Variants in L3MBTL1 observed in about 807,000 individuals in gnomAD.
The protein encoded by L3MBTL1 is L3MBTL histone methyl-lysine binding protein 1, also known as lethal(3)malignant brain tumor-like protein 1.
Under a neutral mutation model 105.3 loss-of-function variants are expected in L3MBTL1, and 75 were observed. The ratio of observed to expected loss-of-function variants is 0.71; its 90% CI spans 0.59 to 0.86. The LOEUF (loss-of-function observed/expected upper bound fraction) is 0.86, where lower values mean the gene tolerates loss of function less well. Ranked by LOEUF, L3MBTL1 falls within the 40% of genes least tolerant of loss-of-function variation. The pLI is 0.00. For synonymous variants in L3MBTL1, 452 were observed against 436.2 expected (o/e 1.04, Z -0.45); for missense variants, 1,069 against 1,126.4 (o/e 0.95, Z 0.73).
rs556698636 is a variant in L3MBTL1, at chr20:43,539,262, A to G, written c.2174-889A>G. ...TTAGCACCAGGAGAATAAAGAGCCAATGCTCCTGGACCATGGACAGAGGCT... is the reference window on the plus strand; with the variant it reads ...TTAGCACCAGGAGAATAAAGAGCCAGTGCTCCTGGACCATGGACAGAGGCT... On this transcript the variant is annotated intron_variant, in intron 19 of 21. Coordinates refer to ENST00000418998, the MANE Select transcript of L3MBTL1 (RefSeq NM_001377303.1). The G allele has an allele frequency of 2.6e-5, 4 of 152,564 alleles. No individual in the cohort carries two copies. The East Asian group carries it at 7.7e-4, about 29-fold the overall frequency. 9.5% of individuals were successfully genotyped at this position (152,564 alleles called of 1,614,324 possible).
downstream of L3MBTL1, among the ~76,000 whole-genome samples, chr20:43,545,276 A>G (rs914074018): frequency 2.0e-5 from 3 of 151,802 alleles, no homozygotes; most frequent in Non-Finnish European, 4.4e-5. Flanking sequence ...GAGGCAGAAG[A>G]GTCACTTGAA....
chr20:43,528,802 C>A, intron 8 of L3MBTL1, 57 bp downstream of exon 8: 1 of 1,328,916 alleles, frequency 7.5e-7, no homozygotes, highest in Non-Finnish European at 1.1e-6. Flanking sequence ...AGGGACACAC[C>A]ACCAACCTCA....
In L3MBTL1 at chr20:43,514,764, C is replaced by G; in HGVS notation, c.490C>G (p.Pro164Ala). Reference sequence around the variant, plus strand: ...CCCGGCGGGAGATGGCGAGGCGGGCCCCCAACAGGCGGGTAGGAGCCCCGC... The same window carrying G: ...CCCGGCGGGAGATGGCGAGGCGGGCGCCCAACAGGCGGGTAGGAGCCCCGC... ...GAPAGDGEAGPQQAEDHPQNP... is the reference protein window; with the variant it reads ...GAPAGDGEAGAQQAEDHPQNP... The change falls in exon 4 of 22, where the codon CCC becomes GCC. Residue 164 changes from proline to alanine, a missense_variant. Transcript: ENST00000418998. The G allele has an allele frequency of 6.4e-7, 1 of 1,552,134 alleles. No individual in the cohort carries two copies. Among genetic ancestry groups the G allele is most frequent in the Non-Finnish European group, 8.7e-7 (1 of 1,147,338 alleles).
rs189849759 is a variant in L3MBTL1, at chr20:43,523,047, G to T, written c.863-5610G>T. ...CACTTGAACCTGGGAAACGGAGGTT[G>T]CAGTGAGCCGAGATCCGCCACTGCA... On this transcript the variant is annotated intron_variant, in intron 7 of 21. Transcript: ENST00000418998. Among the ~76,000 whole-genome samples, 463 of 151,972 alleles carry T rather than the reference G, an allele frequency of 3.0e-3. 1 individual carries two copies. Among genetic ancestry groups the T allele is most frequent in the African/African-American group, 0.011 (444 of 41,464 alleles).
chr20:43,519,059 T>G (rs574363181), intron 7 of L3MBTL1, among the ~76,000 whole-genome samples: 118 of 150,254 alleles, frequency 7.9e-4, no homozygotes, highest in African/African-American at 2.7e-3. Context: ...GAATACACTT[T>G]AAGGCTAGGC....
chr20:43,532,636 C>T (rs1266018204), intron 11 of L3MBTL1, 137 bp from the exon 12 acceptor site: 2 of 951,592 alleles, frequency 2.1e-6, no homozygotes, highest in East Asian at 4.9e-5. Flanking sequence ...CCCTCTTTCC[C>T]AGCTTATTTC....
intron 7 of L3MBTL1, among the ~76,000 whole-genome samples, chr20:43,517,374 G>A (rs1439306713): frequency 6.6e-6 from 1 of 152,164 alleles, no homozygotes; most frequent in East Asian, 1.9e-4. Flanking sequence ...GATTACAGGA[G>A]TGAGCCAAGG....
At chr20:43,533,449 C>T in intron 13 of L3MBTL1, 31 bp downstream of exon 13, 2 of 1,590,738 alleles carry the variant, frequency 1.3e-6, no homozygotes, top group Non-Finnish European at 1.7e-6. Context: ...AGCCCCCTTT[C>T]CTAAGCCTGG....
intron 7 of L3MBTL1, among the ~76,000 whole-genome samples, chr20:43,524,156 T>A (rs575701979): frequency 3.3e-5 from 5 of 152,306 alleles, no homozygotes; most frequent in African/African-American, 7.2e-5. Context: ...TTAAAAAAAA[T>A]TTATTTCCAT....
intron 15 of L3MBTL1, 122 bp from the exon 16 acceptor site, chr20:43,534,699 AGGGTTGG>A (rs2019515745): frequency 3.1e-6 from 2 of 655,480 alleles, no homozygotes; most frequent in Non-Finnish European, 5.3e-6. Context: ...AGATTATTGC[AGGGTTGG>A]CCCCTTGGTT....
rs2019499002 is a variant in L3MBTL1 at position 43,534,386 on chromosome 20, C to T, written c.1702C>T (p.Arg568Trp). The change falls in exon 15 of 22, where the codon CGG becomes TGG. Residue 568 changes from arginine to tryptophan, a missense_variant. Arg to Trp is a moderately radical substitution (Grantham distance 101). Coordinates refer to ENST00000418998, the MANE Select transcript of L3MBTL1 (RefSeq NM_001377303.1). Reference sequence around the variant, plus strand: ...CAGCGTGGAGGATGTGGAGGACCATCGGATAAAGGTGGCTCTGGGACCCTA... The same window carrying T: ...CAGCGTGGAGGATGTGGAGGACCATTGGATAAAGGTGGCTCTGGGACCCTA... ...VASVEDVEDHRIKIHFDGWSH... is the reference protein window; with the variant it reads ...VASVEDVEDHWIKIHFDGWSH... 4.3e-6 allele frequency: 7 copies of T among 1,613,744 alleles called. No homozygotes were observed. Among genetic ancestry groups the T allele is most frequent in the South Asian group, 2.2e-5 (2 of 91,042 alleles).
downstream of L3MBTL1, among the ~76,000 whole-genome samples, chr20:43,544,211 A>G (rs1978425853): frequency 6.6e-6 from 1 of 152,212 alleles, no homozygotes; most frequent in African/African-American, 2.4e-5. Context: ...CTGCTGTGAA[A>G]GCATAGAAGT....
At position 43,515,844 on chromosome 20, in the gene L3MBTL1, C is replaced by T. The variant is rs76337770; in HGVS notation, c.778-249C>T. 225 of 509,936 alleles carry T rather than the reference C, an allele frequency of 4.4e-4. 1 individual carries two copies. The highest frequency in any genetic ancestry group is 3.9e-3 in the African/African-American group (202 of 52,374). The allele number at this position is 509,936 out of a possible 1,614,324, so 31.6% of individuals were successfully genotyped here. A position where few individuals can be genotyped will look rare whatever the true frequency, so the allele number is the denominator to read the frequency against. ...GGAAGTTTTTGTGTACTCAGTTTCTCTACCAGATAATAAGGAGAGTTGTAG... is the reference window on the plus strand; with the variant it reads ...GGAAGTTTTTGTGTACTCAGTTTCTTTACCAGATAATAAGGAGAGTTGTAG... On this transcript the variant is annotated intron_variant, in intron 6 of 21. Transcript: ENST00000418998.
rs1198736649 is a variant in L3MBTL1 at position 43,524,749 on chromosome 20, G to GT, written c.863-3907dup. 3.3e-5 allele frequency among the ~76,000 whole-genome samples: 5 copies of GT among 152,088 alleles called. No individual in the cohort carries two copies. The East Asian group carries it at 9.6e-4, about 29-fold the overall frequency. On this transcript the variant is annotated intron_variant, in intron 7 of 21. Coordinates refer to ENST00000418998, the MANE Select transcript of L3MBTL1 (RefSeq NM_001377303.1). Reference sequence around the variant, plus strand: ...GAAAAAAATAGGCTAATAGAACAAGGTGGGGGTGGGATTTTAAAGCAGAAG... The same window carrying GT: ...GAAAAAAATAGGCTAATAGAACAAGGTTGGGGGTGGGATTTTAAAGCAGAAG...
chr20:43,516,356 G>A (rs944052961), intron 7 of L3MBTL1, among the ~76,000 whole-genome samples, 179 bp downstream of exon 7: 2 of 152,158 alleles, frequency 1.3e-5, no homozygotes. Context: ...GTGTATTAGT[G>A]TATGTATTTT....
chr20:43,536,283 C>G lies in L3MBTL1; in HGVS notation c.2112C>G (p.Arg704=). The part of the protein sequence containing the change: ...LSGFSPRKKP[R]HHGRIGRPPK... Reference sequence around the variant, plus strand: ...GCTTCTCCCCAAGGAAGAAGCCTCGCCATCACGGCCGGTATGGAGGCCAGG... The same window carrying G: ...GCTTCTCCCCAAGGAAGAAGCCTCGGCATCACGGCCGGTATGGAGGCCAGG... Residue 704 remains arginine (R), a synonymous_variant, in exon 18 of 22, where the codon CGC becomes CGG. Coordinates refer to ENST00000418998, the MANE Select transcript of L3MBTL1 (RefSeq NM_001377303.1). 1 of 1,612,728 alleles carries G rather than the reference C, an allele frequency of 6.2e-7. No homozygotes were observed.
intron 7 of L3MBTL1, among the ~76,000 whole-genome samples, chr20:43,526,957 A>G (rs1448714454): frequency 1.3e-5 from 2 of 152,164 alleles, no homozygotes; most frequent in Admixed American, 1.3e-4. Context: ...AAAACAGACA[A>G]ACAAAAACAA....
Position 43,529,402 on chromosome 20 carries a change from T to A in L3MBTL1, c.1056+34T>A. On this transcript the variant is annotated intron_variant, in intron 9 of 21. Transcript: ENST00000418998. Reference sequence around the variant, plus strand: ...GGGCTTGGTACCACCTTTCTGATGATGTCTCTCAGTGCAGATTGATGGATC... The same window carrying A: ...GGGCTTGGTACCACCTTTCTGATGAAGTCTCTCAGTGCAGATTGATGGATC... The A allele has an allele frequency of 7.1e-6, 10 of 1,406,736 alleles. No individual in the cohort carries two copies. In the East Asian group the frequency reaches 9.3e-5, roughly 13 times the overall value. 87.1% of individuals were successfully genotyped at this position (1,406,736 alleles called of 1,614,324 possible).
chr20:43,534,768 C>A (rs62224514), intron 15 of L3MBTL1, 60 bp from the exon 16 acceptor site: 19,129 of 1,286,188 alleles, frequency 0.015, 199 homozygotes, highest in Middle Eastern at 0.043. Flanking sequence ...GGGAGAGGAC[C>A]TTCTGGCTGA....
Sources: allele counts gnomAD v4.1 joint callset (sites outside exome capture counted in the v4.1 genomes callset), GRCh38; gene constraint gnomAD v4.1.1; transcripts MANE v1.5; gene names NCBI Gene and HGNC (gene_info 2026-07-23, HGNC 2026-07-21).